STXBP6: variants seen among roughly 807,000 people sequenced by gnomAD.
STXBP6 encodes syntaxin binding protein 6, also known as syntaxin-binding protein 6.
In STXBP6, 21 loss-of-function variants were observed where a neutral mutation model predicts 26.9. The ratio of observed to expected loss-of-function variants is 0.78; its 90% confidence interval spans 0.55 to 1.12. The LOEUF is 1.12. STXBP6 is among the 50% of genes most tolerant of loss of function. STXBP6 has a pLI of 0.00. For synonymous variants in STXBP6, 97 were observed against 92.6 expected, an observed-to-expected ratio of 1.05 and a Z score of -0.27; for missense variants, 232 against 257.9, an observed-to-expected ratio of 0.90 and a Z score of 0.69.
intron 4 of STXBP6, among the ~76,000 whole-genome samples, chr14:24,827,842 C>A (rs1297458350): frequency 6.6e-6 from 1 of 152,078 alleles, no homozygotes; most frequent in East Asian, 1.9e-4. Flanking sequence ...TCTGCAGGAC[C>A]CCCAACCTTT....
At chr14:24,881,586 T>C (rs137917480) in intron 2 of STXBP6, among the ~76,000 whole-genome samples, 4 of 152,292 alleles carry the variant, frequency 2.6e-5, no homozygotes, top group Middle Eastern at 3.4e-3. Context: ...TAGCCAGTCA[T>C]GATATGAAGG....
intron 1 of STXBP6, among the ~76,000 whole-genome samples, chr14:24,975,783 T>C (rs955822746): frequency 3.3e-5 from 5 of 152,230 alleles, no homozygotes; most frequent in African/African-American, 1.2e-4. Flanking sequence ...TTATATCTAT[T>C]ATGTTCAAGT....
intron 4 of STXBP6, among the ~76,000 whole-genome samples, chr14:24,837,074 C>T: frequency 6.6e-6 from 1 of 152,110 alleles, no homozygotes. Flanking sequence ...TATGGCATTG[C>T]AATTTTTTCT....
In STXBP6 at chr14:25,049,649, A is replaced by G; in HGVS notation, c.-33+229T>C. The G allele has an allele frequency of 1.0e-6, 1 of 985,520 alleles. No individual in the cohort carries two copies. Among genetic ancestry groups the G allele is most frequent in the Non-Finnish European group, 1.2e-6 (1 of 830,022 alleles). 61.0% of individuals were successfully genotyped at this position (985,520 alleles called of 1,614,324 possible). A position where few individuals can be genotyped will look rare whatever the true frequency, so the allele number is the denominator to read the frequency against. Reference sequence around the variant, plus strand: ...CCCAGGGTTGGAGAGAACCAGGGACACGAGTCCCTCTCTGCGCGCACAAAG... The same window carrying G: ...CCCAGGGTTGGAGAGAACCAGGGACGCGAGTCCCTCTCTGCGCGCACAAAG... On this transcript the variant is annotated intron_variant, in intron 1 of 5. Transcript: ENST00000323944. The surrounding 1 kb of genome is among the most constrained non-coding windows in gnomAD (Gnocchi z 5.6).
intron 2 of STXBP6, among the ~76,000 whole-genome samples, chr14:24,901,954 T>C (rs1021656775): frequency 3.3e-5 from 5 of 152,158 alleles, no homozygotes; most frequent in African/African-American, 1.2e-4. Context: ...TTCGCATATG[T>C]AAAATATCAA....
chr14:24,897,106 A>G (rs1239586064), intron 2 of STXBP6, among the ~76,000 whole-genome samples: 1 of 152,316 alleles, frequency 6.6e-6, no homozygotes, highest in East Asian at 1.9e-4. Flanking sequence ...CCAAAAAGTG[A>G]TGGAAACCAA....
At chr14:25,000,217 C>A (rs949195659) in intron 1 of STXBP6, among the ~76,000 whole-genome samples, 1 of 152,084 alleles carries the variant, frequency 6.6e-6, no homozygotes, top group South Asian at 2.1e-4. Context: ...CGCCTGCCAC[C>A]ACGCCTGGCT....
intron 2 of STXBP6, among the ~76,000 whole-genome samples, chr14:24,944,172 T>C (rs1168761585): frequency 2.0e-5 from 3 of 152,176 alleles, no homozygotes; most frequent in Non-Finnish European, 4.4e-5. Context: ...ATTCATTTTA[T>C]CACATTCAAA....
chr14:24,987,019 A>G (rs897579767), intron 1 of STXBP6, among the ~76,000 whole-genome samples: 1 of 152,222 alleles, frequency 6.6e-6, no homozygotes, highest in Admixed American at 6.5e-5. Context: ...AGCATGTTCC[A>G]GAAAATAACT....
chr14:24,883,720 G>C (rs2070459514), intron 2 of STXBP6, among the ~76,000 whole-genome samples: 1 of 152,080 alleles, frequency 6.6e-6, no homozygotes, highest in Admixed American at 6.5e-5. Context: ...TTAGTCAGTA[G>C]AGTTTCCACT....
intron 2 of STXBP6, among the ~76,000 whole-genome samples, chr14:24,923,487 C>G (rs1292435532): frequency 6.6e-6 from 1 of 152,010 alleles, no homozygotes; most frequent in East Asian, 1.9e-4. Flanking sequence ...AAGTACTAGC[C>G]AAGCCCTATA....
chr14:24,973,110 C>A (rs1352947352), intron 2 of STXBP6, among the ~76,000 whole-genome samples: 1 of 151,998 alleles, frequency 6.6e-6, no homozygotes, highest in Non-Finnish European at 1.5e-5. Context: ...AGAGTGAGAC[C>A]CTGTCTCAAA....
At chr14:24,928,632 G>A (rs2072269818) in intron 2 of STXBP6, among the ~76,000 whole-genome samples, 1 of 152,052 alleles carries the variant, frequency 6.6e-6, no homozygotes, top group African/African-American at 2.4e-5. Flanking sequence ...AAATATAGAA[G>A]CAAGAAACAC....
intron 1 of STXBP6, among the ~76,000 whole-genome samples, chr14:25,011,057 A>G (rs1385767023): frequency 6.6e-6 from 1 of 152,240 alleles, no homozygotes; most frequent in Non-Finnish European, 1.5e-5. Context: ...ACAATGGCAG[A>G]TTTAATGTTG....
rs2067963759 is a variant in STXBP6, at chr14:24,815,983, C to T, written c.609+3054G>A. ...AACAAGCACCTGCGTATTTTGAAGT[C>T]AGGGTTGTGCAAAAGTGATCCATTG... On this transcript the variant is annotated intron_variant, in intron 5 of 5. Transcript: ENST00000323944. The T allele has an allele frequency of 2.0e-5, 3 of 152,160 alleles. No individual in the cohort carries two copies. In the South Asian group the frequency reaches 6.2e-4, roughly 32 times the overall value. 9.4% of individuals were successfully genotyped at this position (152,160 alleles called of 1,614,324 possible).
chr14:24,997,243 ACTGAAG>A (rs1439879231), intron 1 of STXBP6, among the ~76,000 whole-genome samples: 24 of 152,134 alleles, frequency 1.6e-4, no homozygotes, highest in African/African-American at 5.3e-4. Context: ...GTGCTCATGA[ACTGAAG>A]CCAAGTCAAC....
At chr14:24,884,436 A>C (rs1156594019) in intron 2 of STXBP6, among the ~76,000 whole-genome samples, 1 of 152,216 alleles carries the variant, frequency 6.6e-6, no homozygotes. Flanking sequence ...TTACAATGAC[A>C]CAATAAAGGA....
intron 2 of STXBP6, among the ~76,000 whole-genome samples, chr14:24,901,768 T>A (rs898034734): frequency 6.6e-6 from 1 of 151,620 alleles, no homozygotes; most frequent in Non-Finnish European, 1.5e-5. Context: ...AGAGTTAATA[T>A]ACACTCTGTG....
chr14:25,007,737 A>G (rs1281984383), intron 1 of STXBP6, among the ~76,000 whole-genome samples: 1 of 152,216 alleles, frequency 6.6e-6, no homozygotes, highest in Non-Finnish European at 1.5e-5. Context: ...ATTTCCTCCA[A>G]ATCTGAAGAT....
Sources: allele counts gnomAD v4.1 joint callset (sites outside exome capture counted in the v4.1 genomes callset), GRCh38; gene constraint gnomAD v4.1.1; non-coding constraint Gnocchi (gnomAD v3.1); transcripts MANE v1.5; gene names NCBI Gene and HGNC (gene_info 2026-07-23, HGNC 2026-07-21).